TBC1D4: variants seen among roughly 807,000 people sequenced by gnomAD.
TBC1D4 encodes the protein TBC (Tre-2, BUB2, CDC16) domain-containing protein.
A neutral mutation model predicts 142.5 loss-of-function variants in TBC1D4; 121 were observed. The observed-to-expected ratio is 0.85, with a 90% CI of 0.73 to 0.99. TBC1D4 has a LOEUF of 0.99. Ranked by LOEUF, TBC1D4 falls within the 50% of genes least tolerant of loss-of-function variation. TBC1D4 has a pLI of 0.00. For synonymous variants in TBC1D4, 630 were observed against 628.2 expected, an observed-to-expected ratio of 1.00 and a Z score of -0.04; for missense variants, 1,475 against 1,606.6, an observed-to-expected ratio of 0.92 and a Z score of 1.40.
intron 1 of TBC1D4, among the ~76,000 whole-genome samples, chr13:75,446,224 C>T (rs1321095969): frequency 6.6e-6 from 1 of 152,300 alleles, no homozygotes; most frequent in South Asian, 2.1e-4. Flanking sequence ...AATTATGCTG[C>T]ACTTTAAAAA....
chr13:75,303,935 T>C (rs185576078), intron 15 of TBC1D4, among the ~76,000 whole-genome samples: 4 of 152,288 alleles, frequency 2.6e-5, no homozygotes, highest in East Asian at 1.9e-4. Context: ...AGCTTGAGTG[T>C]CACCTTTTCT....
In TBC1D4 at chr13:75,315,206, G is replaced by A. The variant is rs539688984; in HGVS notation, c.2223-2308C>T. Among the ~76,000 whole-genome samples the A allele has an allele frequency of 2.0e-4, 31 of 151,690 alleles. No individual in the cohort carries two copies. The South Asian group carries it at 5.8e-3, about 28-fold the overall frequency. ...ACCTGTAATCCCAGCTACTCAGGAG[G>A]CTGAGGTGGGAGAATCGCTTGAACC... On this transcript the variant is annotated intron_variant, in intron 12 of 20. Transcript: ENST00000377636.
intron 11 of TBC1D4, 103 bp downstream of exon 11, chr13:75,324,134 G>T: frequency 3.2e-6 from 4 of 1,269,342 alleles, no homozygotes; most frequent in Non-Finnish European, 1.1e-6. Context: ...ACAACACAGG[G>T]ATGCATAAAT....
intron 1 of TBC1D4, among the ~76,000 whole-genome samples, chr13:75,399,668 A>G (rs1228433850): frequency 6.6e-6 from 1 of 152,214 alleles, no homozygotes; most frequent in Non-Finnish European, 1.5e-5. Flanking sequence ...AATGTAAATA[A>G]TTTGTGGCCA....
chr13:75,480,877 G>GCACGCA (rs1555327312), intron 1 of TBC1D4, among the ~76,000 whole-genome samples: 18 of 124,064 alleles, frequency 1.5e-4, no homozygotes, highest in South Asian at 3.3e-4. Context: ...GCACACGCAC[G>GCACGCA]CACACACACA....
At chr13:75,332,040 T>C (rs1338298840) in intron 8 of TBC1D4, among the ~76,000 whole-genome samples, 2 of 152,174 alleles carry the variant, frequency 1.3e-5, no homozygotes, top group Non-Finnish European at 2.9e-5. Context: ...AGTATCCACC[T>C]TGATCAAAAC....
intron 5 of TBC1D4, among the ~76,000 whole-genome samples, chr13:75,346,240 G>A (rs1881136943): frequency 6.6e-6 from 1 of 151,872 alleles, no homozygotes; most frequent in African/African-American, 2.4e-5. Flanking sequence ...GTGCCATGGT[G>A]CACCCATCAA....
At chr13:75,473,151 C>A (rs1054224529) in intron 1 of TBC1D4, among the ~76,000 whole-genome samples, 1 of 152,006 alleles carries the variant, frequency 6.6e-6, no homozygotes, top group African/African-American at 2.4e-5. Flanking sequence ...GCATGCACCA[C>A]CACACCTGGC....
At chr13:75,322,292 G>T (rs1032599764) in intron 11 of TBC1D4, among the ~76,000 whole-genome samples, 2 of 152,106 alleles carry the variant, frequency 1.3e-5, no homozygotes, top group South Asian at 4.1e-4. Flanking sequence ...AAAACATACA[G>T]AAAACAAGGA....
chr13:75,360,279 A>T (rs1203849347), intron 2 of TBC1D4, among the ~76,000 whole-genome samples: 1 of 152,180 alleles, frequency 6.6e-6, no homozygotes, highest in Non-Finnish European at 1.5e-5. Context: ...TTTGAAAATA[A>T]CCCATTCAGA....
In TBC1D4 at chr13:75,481,803, C is replaced by A. The variant is rs570813361; in HGVS notation, c.-36G>T. 735 of 1,463,560 alleles carry A rather than the reference C, an allele frequency of 5.0e-4. No homozygotes were observed. The highest frequency in any genetic ancestry group is 6.3e-4 in the Non-Finnish European group (708 of 1,117,112). The allele number at this position is 1,463,560 out of a possible 1,614,324, so 90.7% of individuals were successfully genotyped here. ...TCACCAGGGCACCGCGGAGGCCGGC[C>A]GGGCGCACCGCGCCCCCCACTCCCG... On this transcript the variant is annotated 5_prime_UTR_variant, in exon 1 of 21. Transcript: ENST00000377636.
chr13:75,422,029 A>T (rs1489609859), intron 1 of TBC1D4, among the ~76,000 whole-genome samples: 2 of 152,222 alleles, frequency 1.3e-5, no homozygotes, highest in Non-Finnish European at 2.9e-5. Flanking sequence ...CCTGGGATCA[A>T]GTGATCCTCC....
At chr13:75,308,932 A>T (rs1013245029) in intron 14 of TBC1D4, among the ~76,000 whole-genome samples, 1 of 152,228 alleles carries the variant, frequency 6.6e-6, no homozygotes, top group Non-Finnish European at 1.5e-5. Flanking sequence ...TAAAATAAAA[A>T]AATTAAATTG....
intron 16 of TBC1D4, among the ~76,000 whole-genome samples, chr13:75,299,992 ATAT>A (rs1593879973): frequency 6.6e-6 from 1 of 152,134 alleles, no homozygotes; most frequent in African/African-American, 2.4e-5. Flanking sequence ...TCTGTAAGAC[ATAT>A]TATATTATTT....
intron 16 of TBC1D4, 54 bp from the exon 17 acceptor site, chr13:75,299,628 C>G: frequency 1.2e-6 from 2 of 1,606,292 alleles, no homozygotes; most frequent in Non-Finnish European, 1.7e-6. Flanking sequence ...GCCTTGGAGA[C>G]AACAGTGAAA....
chr13:75,356,977 A>C (rs1882105103), intron 3 of TBC1D4, among the ~76,000 whole-genome samples: 1 of 152,212 alleles, frequency 6.6e-6, no homozygotes, highest in Non-Finnish European at 1.5e-5. Context: ...AAAAAATTTA[A>C]AGTTGTCCCC....
chr13:75,286,415 A>T lies in TBC1D4; in HGVS notation c.*377T>A, dbSNP rs1450316457. ...AGATGCTCTGGCTTTGTTTCACTAT[A>T]AAGACAAAAAGATTTCACATATGTC... On this transcript the variant is annotated 3_prime_UTR_variant, in exon 21 of 21. Coordinates refer to ENST00000377636, the MANE Select transcript of TBC1D4 (RefSeq NM_014832.5). 1.1e-5 allele frequency: 2 copies of T among 178,312 alleles called. No individual in the cohort carries two copies. Among genetic ancestry groups the T allele is most frequent in the Admixed American group, 1.1e-4 (2 of 18,228 alleles). The allele number at this position is 178,312 out of a possible 1,614,324, so 11.0% of individuals were successfully genotyped here.
intron 1 of TBC1D4, among the ~76,000 whole-genome samples, chr13:75,422,407 A>G (rs1886208125): frequency 6.6e-6 from 1 of 152,254 alleles, no homozygotes; most frequent in Non-Finnish European, 1.5e-5. Context: ...TATCTCCATC[A>G]TAAAATCCTT....
intron 1 of TBC1D4, among the ~76,000 whole-genome samples, chr13:75,449,646 T>C (rs1018277860): frequency 3.3e-5 from 5 of 150,786 alleles, no homozygotes; most frequent in Admixed American, 6.6e-5. Context: ...AGTGCAGTGG[T>C]GTGATCTCGG....
Sources: gnomAD v4.1 joint callset for allele counts (sites outside exome capture counted in the v4.1 genomes callset) on GRCh38, gnomAD v4.1.1 for gene constraint, MANE v1.5 for transcripts, NCBI Gene and HGNC (gene_info 2026-07-23, HGNC 2026-07-21) for gene names.